TPH2: variants seen among roughly 807,000 people sequenced by gnomAD.
TPH2 encodes the protein tryptophan 5-hydroxylase 2.
In TPH2, 27 loss-of-function variants were observed where a neutral mutation model predicts 59.1. The ratio of observed to expected loss-of-function variants is 0.46; its 90% CI spans 0.34 to 0.63. The LOEUF (loss-of-function observed/expected upper bound fraction) is 0.63. Ranked by LOEUF, TPH2 falls within the 30% of genes least tolerant of loss-of-function variation. The probability of loss-of-function intolerance (pLI) is 0.01; values close to 1 mark genes in which losing one functional copy is unlikely to be tolerated. For synonymous variants in TPH2, 220 were observed against 210.5 expected, an observed-to-expected ratio of 1.05 and a Z score of -0.39; for missense variants, 523 against 588.3, an observed-to-expected ratio of 0.89 and a Z score of 1.15.
At chr12:71,948,708 C>T (rs1430335592) in intron 4 of TPH2, among the ~76,000 whole-genome samples, 1 of 152,178 alleles carries the variant, frequency 6.6e-6, no homozygotes, top group Non-Finnish European at 1.5e-5. Flanking sequence ...TCCTGGTTAT[C>T]CTTCCAGGTT....
At chr12:71,971,268 G>GT (rs1871966627) in intron 5 of TPH2, among the ~76,000 whole-genome samples, 1 of 152,176 alleles carries the variant, frequency 6.6e-6, no homozygotes, top group Non-Finnish European at 1.5e-5. Context: ...ACAACTCCTA[G>GT]TTTTACGTGC....
chr12:71,973,279 G>A (rs562979725), intron 6 of TPH2, among the ~76,000 whole-genome samples: 59 of 152,250 alleles, frequency 3.9e-4, no homozygotes, highest in African/African-American at 1.4e-3. Flanking sequence ...GTCAGCACAA[G>A]ATACAGGTCA....
intron 7 of TPH2, among the ~76,000 whole-genome samples, chr12:71,993,140 T>G (rs371324555): frequency 6.6e-6 from 1 of 152,208 alleles, no homozygotes; most frequent in South Asian, 2.1e-4. Flanking sequence ...GGGATACGGT[T>G]TGAGTTGTGG....
Position 71,944,609 on chromosome 12 carries a change from C to G in TPH2, c.463C>G (p.Pro155Ala). 3 of 1,613,852 alleles carry G rather than the reference C, an allele frequency of 1.9e-6. No individual in the cohort carries two copies. Among genetic ancestry groups the G allele is most frequent in the Non-Finnish European group, 2.5e-6 (3 of 1,179,822 alleles). The change falls in exon 4 of 11, where the codon CCT (proline) becomes GCT (alanine). Residue 155 changes from proline to alanine, a missense_variant. Transcript: ENST00000333850. ...AGAGCTAGAGGATGTGCCCTGGTTC[C>G]CTCGGAAGATCTCTGAGTTAGACAA... The part of the protein sequence containing the change: ...EEELEDVPWF[P>A]RKISELDKCS...
At chr12:72,029,208 T>C (rs984159521) in intron 9 of TPH2, among the ~76,000 whole-genome samples, 1 of 152,170 alleles carries the variant, frequency 6.6e-6, no homozygotes, top group Non-Finnish European at 1.5e-5. Context: ...CCCAGTGAAA[T>C]GTCTTTAGCT....
At chr12:71,941,410 AT>A (rs1871061877) in intron 1 of TPH2, among the ~76,000 whole-genome samples, 173 bp from the exon 2 acceptor site, 1 of 152,184 alleles carries the variant, frequency 6.6e-6, no homozygotes, top group African/African-American at 2.4e-5. Flanking sequence ...CTCAGAATAA[AT>A]TAGACCAATA....
In TPH2 at chr12:71,978,996, C is replaced by T. The variant is rs770250587; in HGVS notation, c.850C>T (p.Pro284Ser). ...TVRPVAGYLS[P>S]RDFLAGLAYR... Reference sequence around the variant, plus strand: ...GAGGCCGGTGGCTGGATACCTGAGCCCACGAGACTTTCTGGCAGGACTGGC... The same window carrying T: ...GAGGCCGGTGGCTGGATACCTGAGCTCACGAGACTTTCTGGCAGGACTGGC... Residue 284 changes from proline to serine, a missense_variant, in exon 7 of 11, where the codon CCA (proline) becomes TCA (serine). Pro to Ser is a moderately conservative substitution (Grantham distance 74). Coordinates refer to ENST00000333850, the MANE Select transcript of TPH2 (RefSeq NM_173353.4). The T allele has an allele frequency of 2.5e-6, 4 of 1,614,000 alleles. No individual in the cohort carries two copies. The South Asian group carries it at 4.4e-5, about 18-fold the overall frequency.
chr12:72,015,730 A>G (rs1164937103), intron 8 of TPH2, among the ~76,000 whole-genome samples: 1 of 152,102 alleles, frequency 6.6e-6, no homozygotes, highest in Non-Finnish European at 1.5e-5. Context: ...TTGGGCCCCT[A>G]ACAGCACAGA....
chr12:71,987,078 T>A (rs1872457456), intron 7 of TPH2, among the ~76,000 whole-genome samples: 1 of 152,212 alleles, frequency 6.6e-6, no homozygotes, highest in Admixed American at 6.5e-5. Flanking sequence ...CACTCATCTC[T>A]ATTAGGTGGA....
intron 7 of TPH2, among the ~76,000 whole-genome samples, chr12:71,983,803 G>GAA (rs34303765): frequency 0.26 from 40,130 of 151,580 alleles, 5,611 homozygotes; most frequent in East Asian, 0.47. Context: ...GAGAGAGAGA[G>GAA]AAAGAGAGAG....
At chr12:71,944,842 C>T (rs1871160240) in intron 4 of TPH2, among the ~76,000 whole-genome samples, 156 bp downstream of exon 4, 1 of 152,282 alleles carries the variant, frequency 6.6e-6, no homozygotes, top group Non-Finnish European at 1.5e-5. Context: ...TAAAGCTTCC[C>T]TGTACACGTG....
chr12:71,968,532 T>C (rs1339464239), intron 5 of TPH2, among the ~76,000 whole-genome samples: 2 of 152,216 alleles, frequency 1.3e-5, no homozygotes, highest in Non-Finnish European at 2.9e-5. Flanking sequence ...CCAGGGACTG[T>C]CGGTCCCCTG....
chr12:71,960,547 C>A (rs1018010077), intron 5 of TPH2, among the ~76,000 whole-genome samples: 1 of 152,174 alleles, frequency 6.6e-6, no homozygotes, highest in Non-Finnish European at 1.5e-5. Context: ...CTGAGAGTTG[C>A]AAAGAAAGAC....
intron 4 of TPH2, among the ~76,000 whole-genome samples, chr12:71,945,362 T>C (rs759790238): frequency 2.5e-4 from 38 of 152,162 alleles, no homozygotes; most frequent in Non-Finnish European, 1.6e-4. Flanking sequence ...AACTTCTTTA[T>C]GGCCAGAGTG....
rs184675016 is a variant in TPH2, at chr12:71,962,633, G to A, written c.609-9886G>A. On this transcript the variant is annotated intron_variant, in intron 5 of 10. Transcript: ENST00000333850. ...ATACATACCTGCCAGACTCTCTGAG[G>A]CATAACTATTTTTTCCCTAACATTT... is the stretch of plus-strand genomic sequence containing the variant. The A allele has an allele frequency of 9.5e-4, 936 of 985,368 alleles. 5 individuals carry two copies. The African/African-American group carries it at 0.015, about 16-fold the overall frequency. 61.0% of individuals were successfully genotyped at this position (985,368 alleles called of 1,614,324 possible). A position where few individuals can be genotyped will look rare whatever the true frequency, so the allele number is the denominator to read the frequency against.
chr12:71,942,581 C>T (rs1036979912), intron 2 of TPH2, among the ~76,000 whole-genome samples: 1 of 152,162 alleles, frequency 6.6e-6, no homozygotes, highest in South Asian at 2.1e-4. Context: ...CTTGGCTAAA[C>T]ACTAGCTGCT....
chr12:72,018,352 G>A (rs1002905213), intron 8 of TPH2, among the ~76,000 whole-genome samples: 1 of 152,142 alleles, frequency 6.6e-6, no homozygotes, highest in African/African-American at 2.4e-5. Context: ...GACACACTGG[G>A]TGAGAGATTT....
chr12:71,974,398 C>G (rs755379001), intron 6 of TPH2, among the ~76,000 whole-genome samples: 5 of 152,190 alleles, frequency 3.3e-5, no homozygotes, highest in African/African-American at 4.8e-5. Flanking sequence ...CTTCTGTGCC[C>G]TGGCCTTTCC....
intron 5 of TPH2, among the ~76,000 whole-genome samples, chr12:71,958,237 G>C (rs1046615463): frequency 1.3e-5 from 2 of 152,152 alleles, no homozygotes; most frequent in Admixed American, 1.3e-4. Flanking sequence ...TCATTTCCTG[G>C]ATGGCCAGAA....
Sources: gnomAD v4.1 joint callset for allele counts (sites outside exome capture counted in the v4.1 genomes callset) on GRCh38, gnomAD v4.1.1 for gene constraint, MANE v1.5 for transcripts, NCBI Gene and HGNC (gene_info 2026-07-23, HGNC 2026-07-21) for gene names.